The following MTUS2 variants were observed in gnomAD, a reference collection of about 807,000 sequenced individuals.
MTUS2 encodes microtubule associated scaffold protein 2.
MTUS2 carries 40 observed loss-of-function variants against 114.1 expected under a neutral mutation model. That is an observed-to-expected ratio of 0.35 (90% CI 0.27 to 0.46). The LOEUF (loss-of-function observed/expected upper bound fraction) is 0.46, where lower values mean the gene tolerates loss of function less well. Among genes scored for constraint, MTUS2 ranks in the 20% least tolerant of loss-of-function variants. MTUS2 has a pLI of 1.00. For synonymous variants in MTUS2, 688 were observed against 672.0 expected (o/e 1.02, Z -0.37); for missense variants, 1,679 against 1,705.4 (o/e 0.98, Z 0.27).
At chr13:28,903,247 TC>T (rs1041229789) in intron 2 of MTUS2, among the ~76,000 whole-genome samples, 15 of 151,994 alleles carry the variant, frequency 9.9e-5, no homozygotes, top group African/African-American at 3.1e-4. Flanking sequence ...ACAGTTCTTT[TC>T]TTTCTTATTT....
intron 2 of MTUS2, among the ~76,000 whole-genome samples, chr13:29,016,303 A>C (rs1204840672): frequency 1.3e-5 from 2 of 152,176 alleles, no homozygotes; most frequent in African/African-American, 4.8e-5. Context: ...ACAATAGGCA[A>C]GGAATGAATG....
intron 2 of MTUS2, among the ~76,000 whole-genome samples, chr13:28,858,873 G>A (rs1405192863): frequency 6.6e-6 from 1 of 152,130 alleles, no homozygotes; most frequent in African/African-American, 2.4e-5. Context: ...GAGGAAACGG[G>A]ACACCTAGAG....
chr13:29,307,452 TG>T, intron 6 of MTUS2: 1 of 1,318,418 alleles, frequency 7.6e-7, no homozygotes, highest in Middle Eastern at 2.6e-4. Context: ...CTGAGCTGAA[TG>T]GGAAGCTCAC....
intron 5 of MTUS2, among the ~76,000 whole-genome samples, chr13:29,277,743 C>T (rs978425891): frequency 8.5e-5 from 13 of 152,152 alleles, no homozygotes; most frequent in Admixed American, 3.3e-4. Context: ...GAGTGATACA[C>T]GCCACTTCCA....
intron 8 of MTUS2, among the ~76,000 whole-genome samples, chr13:29,385,236 CA>C (rs1368056391): frequency 6.6e-6 from 1 of 152,224 alleles, no homozygotes; most frequent in Admixed American, 6.5e-5. Flanking sequence ...ATGGTCCAAC[CA>C]GAAGATCATG....
intron 5 of MTUS2, among the ~76,000 whole-genome samples, chr13:29,214,607 C>T (rs1224334025): frequency 6.6e-6 from 1 of 152,100 alleles, no homozygotes; most frequent in Non-Finnish European, 1.5e-5. Context: ...TTTATTTCTC[C>T]TTCACTTATG....
chr13:29,280,277 G>A (rs974437695), intron 5 of MTUS2, among the ~76,000 whole-genome samples: 1 of 152,148 alleles, frequency 6.6e-6, no homozygotes, highest in African/African-American at 2.4e-5. Context: ...GAGTTTCAAT[G>A]CATTTATTTT....
At chr13:29,169,269 A>G (rs974331873) in intron 5 of MTUS2, among the ~76,000 whole-genome samples, 2 of 152,230 alleles carry the variant, frequency 1.3e-5, no homozygotes, top group Non-Finnish European at 2.9e-5. Context: ...TAGACTCTCT[A>G]GTGAAATATG....
intron 2 of MTUS2, among the ~76,000 whole-genome samples, chr13:28,927,780 T>G (rs1480152497): frequency 6.6e-6 from 1 of 152,172 alleles, no homozygotes; most frequent in Non-Finnish European, 1.5e-5. Flanking sequence ...AAAATTTATA[T>G]GTAACCACAA....
chr13:29,131,932 G>A (rs1891781692), intron 5 of MTUS2, among the ~76,000 whole-genome samples: 1 of 152,200 alleles, frequency 6.6e-6, no homozygotes, highest in South Asian at 2.1e-4. Flanking sequence ...AGCATTTAGT[G>A]CTGATTTCCC....
At chr13:29,307,257 G>T (rs1311214319) in intron 6 of MTUS2, 1 of 637,206 alleles carries the variant, frequency 1.6e-6, no homozygotes, top group East Asian at 2.9e-5. Context: ...TAGCACCCCT[G>T]GCCAAAGTCA....
intron 5 of MTUS2, among the ~76,000 whole-genome samples, chr13:29,122,103 G>A (rs1891334991): frequency 6.6e-6 from 1 of 152,124 alleles, no homozygotes; most frequent in Admixed American, 6.5e-5. Context: ...GCAGAAAGTT[G>A]TACTCTTTAC....
intron 9 of MTUS2, among the ~76,000 whole-genome samples, chr13:29,469,637 A>AG (rs1483333802): frequency 1.3e-4 from 19 of 146,698 alleles, no homozygotes; most frequent in Middle Eastern, 3.5e-3. Context: ...AAAAAAAAAA[A>AG]AAAGAAAGAA....
intron 5 of MTUS2, among the ~76,000 whole-genome samples, chr13:29,118,156 A>G (rs1011666229): frequency 6.6e-6 from 1 of 151,968 alleles, no homozygotes; most frequent in Non-Finnish European, 1.5e-5. Context: ...AGTCCTGTGT[A>G]TCTCTTGGGC....
chr13:28,859,486 C>T (rs1876839782), intron 2 of MTUS2, among the ~76,000 whole-genome samples: 1 of 152,102 alleles, frequency 6.6e-6, no homozygotes, highest in Non-Finnish European at 1.5e-5. Flanking sequence ...CTTTCTAGGA[C>T]TGGGGAATTA....
chr13:28,995,662 A>C (rs1006997769), intron 2 of MTUS2, among the ~76,000 whole-genome samples: 10 of 152,090 alleles, frequency 6.6e-5, no homozygotes, highest in Admixed American at 1.3e-4. Flanking sequence ...CTTTGAAGCA[A>C]TTGTGAATGG....
intron 2 of MTUS2, among the ~76,000 whole-genome samples, chr13:28,940,893 A>G (rs1882196293): frequency 1.3e-5 from 2 of 152,078 alleles, no homozygotes; most frequent in Non-Finnish European, 2.9e-5. Flanking sequence ...GAGAGAAGTA[A>G]TGTTTGAAGA....
At chr13:29,464,817 G>A (rs1879773274) in intron 9 of MTUS2, among the ~76,000 whole-genome samples, 1 of 152,202 alleles carries the variant, frequency 6.6e-6, no homozygotes, top group Non-Finnish European at 1.5e-5. Flanking sequence ...AGCATCACCT[G>A]GGAATGTGTT....
intron 11 of MTUS2, among the ~76,000 whole-genome samples, chr13:29,492,077 T>G (rs1882180445): frequency 7.0e-6 from 1 of 142,562 alleles, no homozygotes; most frequent in South Asian, 2.3e-4. Flanking sequence ...ATGTGTGCCA[T>G]GTGTATGTGA....
Sources: allele counts gnomAD v4.1 joint callset (sites outside exome capture counted in the v4.1 genomes callset), GRCh38; gene constraint gnomAD v4.1.1; transcripts MANE v1.5; gene names NCBI Gene and HGNC (gene_info 2026-07-23, HGNC 2026-07-21).